Variants in EYS observed in about 807,000 individuals in gnomAD.
The protein encoded by EYS is EGF-like photoreceptor maintenance factor, also known as protein eyes shut homolog.
Under a neutral mutation model 282.1 loss-of-function variants are expected in EYS, and 250 were observed. That is an observed-to-expected ratio of 0.89 (90% confidence interval 0.80 to 0.98). The LOEUF is 0.98. Among genes scored for constraint, EYS ranks in the 50% least tolerant of loss-of-function variants. The pLI is 0.00. For synonymous variants in EYS, 1,355 were observed against 1,282.9 expected (o/e 1.06, Z -1.20); for missense variants, 4,016 against 3,709.0 (o/e 1.08, Z -2.15).
chr6:64,784,598 T>G (rs1430421663), intron 22 of EYS, among the ~76,000 whole-genome samples: 6 of 152,162 alleles, frequency 3.9e-5, no homozygotes, highest in Non-Finnish European at 8.8e-5. Flanking sequence ...CAATAATTAC[T>G]TGTTGAGTAA....
chr6:64,141,529 A>G (rs1774338331), intron 31 of EYS, among the ~76,000 whole-genome samples: 1 of 152,136 alleles, frequency 6.6e-6, no homozygotes, highest in Non-Finnish European at 1.5e-5. Context: ...TTTTTTTGCC[A>G]ATGAACAAAA....
chr6:65,607,095 G>GAAGTTAATGTTT (rs1440619998), intron 2 of EYS, among the ~76,000 whole-genome samples: 30 of 151,832 alleles, frequency 2.0e-4, no homozygotes, highest in Admixed American at 1.4e-3. Flanking sequence ...ATAATTTCTT[G>GAAGTTAATGTTT]TGAAACTTTT....
intron 24 of EYS, among the ~76,000 whole-genome samples, chr6:64,611,889 C>T (rs984730267): frequency 3.3e-5 from 5 of 152,016 alleles, no homozygotes; most frequent in Non-Finnish European, 5.9e-5. Flanking sequence ...AAGAGCATTA[C>T]GAGTTTGTCT....
At chr6:64,274,460 C>T (rs572910516) in intron 30 of EYS, among the ~76,000 whole-genome samples, 80 of 144,930 alleles carry the variant, frequency 5.5e-4, no homozygotes, top group Non-Finnish European at 9.6e-4. Context: ...GGATTACAGG[C>T]GCGAGCCACC....
intron 31 of EYS, among the ~76,000 whole-genome samples, chr6:64,163,476 ATTCT>A (rs1183178871): frequency 2.5e-4 from 38 of 152,200 alleles, no homozygotes; most frequent in African/African-American, 8.9e-4. Context: ...TAATCTACAC[ATTCT>A]TTATTTAATT....
chr6:65,596,558 A>G (rs1201044850), intron 2 of EYS, among the ~76,000 whole-genome samples: 2 of 152,074 alleles, frequency 1.3e-5, no homozygotes, highest in Non-Finnish European at 2.9e-5. Flanking sequence ...AGCAGGCACT[A>G]TGAATTACTG....
At position 63,721,798 on chromosome 6, in the gene EYS, C is replaced by G; in HGVS notation, c.8234-1G>C. 1 of 1,538,862 alleles carries G rather than the reference C, an allele frequency of 6.5e-7. No individual in the cohort carries two copies. The highest frequency in any genetic ancestry group is 8.8e-7 in the Non-Finnish European group (1 of 1,140,866). On this transcript the variant is annotated splice_acceptor_variant, in intron 42 of 42. Transcript: ENST00000503581. LOFTEE classifies it high-confidence loss of function. ...ACTAAAGAGATGCATAAAAAATCAC[C>G]TGCAAGAAAGCAAACAGTAAGTTTG...
At chr6:63,950,350 C>A (rs145125216) in intron 35 of EYS, among the ~76,000 whole-genome samples, 2 of 152,058 alleles carry the variant, frequency 1.3e-5, no homozygotes, top group Admixed American at 1.3e-4. Flanking sequence ...TTGTGAAATT[C>A]CTTCTCCTGG....
At chr6:65,110,736 A>G (rs1173133055) in intron 12 of EYS, among the ~76,000 whole-genome samples, 3 of 152,112 alleles carry the variant, frequency 2.0e-5, no homozygotes, top group Non-Finnish European at 2.9e-5. Flanking sequence ...TATAAGGTAC[A>G]TGGAATGGAT....
At chr6:65,345,677 T>C (rs892970142) in intron 9 of EYS, among the ~76,000 whole-genome samples, 2 of 151,742 alleles carry the variant, frequency 1.3e-5, no homozygotes, top group South Asian at 2.1e-4. Flanking sequence ...TTTTTCATAA[T>C]GATATATCTG....
intron 29 of EYS, among the ~76,000 whole-genome samples, chr6:64,387,015 T>C (rs1019697650): frequency 5.3e-5 from 8 of 152,130 alleles, no homozygotes; most frequent in African/African-American, 1.9e-4. Flanking sequence ...ATATATACCA[T>C]TTTGCATTTT....
At chr6:64,085,333 T>TGCGCGCGCGCACGTGC (rs753577559) in intron 31 of EYS, among the ~76,000 whole-genome samples, 1 of 130,152 alleles carries the variant, frequency 7.7e-6, no homozygotes, top group Non-Finnish European at 1.5e-5. Context: ...CGTGCGCACG[T>TGCGCGCGCGCACGTGC]GCGCGCGCAC....
At chr6:63,958,454 T>C (rs1005488280) in intron 35 of EYS, among the ~76,000 whole-genome samples, 1 of 152,182 alleles carries the variant, frequency 6.6e-6, no homozygotes, top group Non-Finnish European at 1.5e-5. Flanking sequence ...ATGTTCATGT[T>C]GAAACTTAAT....
At chr6:64,056,845 G>A (rs537776818) in intron 33 of EYS, among the ~76,000 whole-genome samples, 1 of 152,264 alleles carries the variant, frequency 6.6e-6, no homozygotes, top group South Asian at 2.1e-4. Context: ...TCATCATGAG[G>A]CACAGTAAAT....
intron 29 of EYS, among the ~76,000 whole-genome samples, chr6:64,366,602 T>C (rs1402865909): frequency 1.3e-5 from 2 of 152,026 alleles, no homozygotes; most frequent in Admixed American, 6.6e-5. Flanking sequence ...TTGCCTTATT[T>C]TGGGGACCAG....
chr6:64,814,603 G>A (rs926044924), intron 21 of EYS, among the ~76,000 whole-genome samples: 2 of 151,816 alleles, frequency 1.3e-5, no homozygotes, highest in African/African-American at 2.4e-5. Context: ...CTTACAGTGT[G>A]GAAAACACAT....
chr6:65,156,434 C>T (rs536884663), intron 12 of EYS, among the ~76,000 whole-genome samples: 11 of 151,168 alleles, frequency 7.3e-5, no homozygotes, highest in Non-Finnish European at 1.3e-4. Flanking sequence ...ATTTTCTGGA[C>T]TTCCTCTTTC....
chr6:63,843,921 C>T lies in EYS; in HGVS notation c.7228+20265G>A, dbSNP rs557641355. 2.6e-4 allele frequency among the ~76,000 whole-genome samples: 39 copies of T among 152,262 alleles called. 1 individual carries two copies. Among genetic ancestry groups the T allele is most frequent in the Middle Eastern group, 3.4e-3 (1 of 294 alleles). ...GGTTTGTTACATAGGTAAACACATG[C>T]CATGGTGGTTTGCTGCACAGATCAA... On this transcript the variant is annotated intron_variant, in intron 36 of 42. Transcript: ENST00000503581.
intron 35 of EYS, among the ~76,000 whole-genome samples, chr6:63,951,014 G>A (rs1457655840): frequency 2.0e-5 from 3 of 152,124 alleles, no homozygotes; most frequent in African/African-American, 7.2e-5. Context: ...TCACCACGGG[G>A]ATGCCTGCCT....
Sources: allele counts gnomAD v4.1 joint callset (sites outside exome capture counted in the v4.1 genomes callset), GRCh38; gene constraint gnomAD v4.1.1; transcripts MANE v1.5; gene names NCBI Gene and HGNC (gene_info 2026-07-23, HGNC 2026-07-21).